The following ACO1 variants were observed in gnomAD, a reference collection of about 807,000 sequenced individuals.
The protein encoded by ACO1 is cytoplasmic aconitate hydratase.
A neutral mutation model predicts 105.1 loss-of-function variants in ACO1; 78 were observed. That is an observed-to-expected ratio of 0.74 (90% CI 0.62 to 0.90). The LOEUF (loss-of-function observed/expected upper bound fraction) is 0.90, where lower values mean the gene tolerates loss of function less well. ACO1 is among the 40% of genes least tolerant of loss of function. The pLI is 0.00. For missense variants in ACO1, 965 were observed against 1,111.1 expected, an observed-to-expected ratio of 0.87 and a Z score of 1.87; for synonymous variants, 364 against 397.4, an observed-to-expected ratio of 0.92 and a Z score of 1.00.
chr9:32,427,489 T>G, intron 12 of ACO1, 53 bp downstream of exon 12: 1 of 1,606,506 alleles, frequency 6.2e-7, no homozygotes, highest in East Asian at 2.2e-5. Flanking sequence ...GTATCCCTCA[T>G]GTATCTTGCT....
chr9:32,432,554 T>C lies in ACO1; in HGVS notation c.1851+711T>C, dbSNP rs559220242. ...CTTGGCAGGCATTATGTTAAATGCC[T>C]TCCTCCAAAGGCCGAGTTAATGGAC... On this transcript the variant is annotated intron_variant, in intron 15 of 20. Coordinates refer to ENST00000309951, the MANE Select transcript of ACO1 (RefSeq NM_002197.3). Among the ~76,000 whole-genome samples the C allele has an allele frequency of 1.7e-4, 26 of 152,198 alleles. 1 individual carries two copies. Among genetic ancestry groups the C allele is most frequent in the African/African-American group, 6.3e-4 (26 of 41,532 alleles).
At chr9:32,388,068 GC>G (rs1318755162) in intron 1 of ACO1, among the ~76,000 whole-genome samples, 3 of 152,312 alleles carry the variant, frequency 2.0e-5, no homozygotes, top group African/African-American at 7.2e-5. Flanking sequence ...TGAGGACAGA[GC>G]CACATATGGG....
At position 32,413,191 on chromosome 9, in the gene ACO1, T is replaced by C. The variant is rs1474599659; in HGVS notation, c.404+4540T>C. On this transcript the variant is annotated intron_variant, in intron 4 of 20. Transcript: ENST00000309951. ...AGCAAACCCACATGTATATATAAAA[T>C]CAGAGTGAACACTAGCCGGGGCGGT... 2.0e-5 allele frequency among the ~76,000 whole-genome samples: 3 copies of C among 152,116 alleles called. No homozygotes were observed. In the South Asian group the frequency reaches 6.2e-4, roughly 32 times the overall value.
chr9:32,436,160 TTTG>T, intron 17 of ACO1, 87 bp from the exon 18 acceptor site: 1 of 1,535,572 alleles, frequency 6.5e-7, no homozygotes, highest in South Asian at 1.1e-5. Context: ...TATGTTTTGT[TTTG>T]TTTTGTTTTT....
chr9:32,440,478 A>T lies in ACO1; in HGVS notation c.2261A>T (p.Asp754Val), dbSNP rs767041812. The T allele has an allele frequency of 1.2e-6, 2 of 1,613,844 alleles. No homozygotes were observed. Residue 754 changes from aspartate to valine, a missense_variant, in exon 19 of 21, where the codon GAT becomes GTT. Coordinates refer to ENST00000309951, the MANE Select transcript of ACO1 (RefSeq NM_002197.3). ...TCTCTTCCTCAGCTTGATGTGTTTG[A>T]TGCTGCTGAGCGGTACCAGCAGGCA... Reference protein sequence around the residue: ...LPSGEILDVFDAAERYQQAGL... With the variant: ...LPSGEILDVFVAAERYQQAGL...
rs1029769992 is a variant in ACO1 at position 32,452,220 on chromosome 9, T to C, written c.*2109T>C. 2 of 152,276 alleles carry C rather than the reference T, an allele frequency of 1.3e-5. No individual in the cohort carries two copies. Among genetic ancestry groups the C allele is most frequent in the African/African-American group, 4.8e-5 (2 of 41,474 alleles). The allele number at this position is 152,276 out of a possible 1,614,324, so 9.4% of individuals were successfully genotyped here. On this transcript the variant is annotated 3_prime_UTR_variant, in exon 21 of 21. Coordinates refer to ENST00000309951, the MANE Select transcript of ACO1 (RefSeq NM_002197.3). ...CTCCATTACTGAGCAGCTGGGGAGC[T>C]GTCTCGCTCCCCGCATTCAGTGGCT...
At chr9:32,440,615 G>A in intron 19 of ACO1, 28 bp downstream of exon 19, 1 of 1,610,298 alleles carries the variant, frequency 6.2e-7, no homozygotes. Flanking sequence ...ATCCTAGGAG[G>A]CAGCTCCCCT....
At chr9:32,407,112 A>G (rs1408601263) in intron 2 of ACO1, 149 bp from the exon 3 acceptor site, 4 of 695,658 alleles carry the variant, frequency 5.7e-6, no homozygotes, top group African/African-American at 5.4e-5. Context: ...TTAAATATCC[A>G]TGTATTTTAA....
chr9:32,402,373 A>G (rs1468790042), intron 1 of ACO1, among the ~76,000 whole-genome samples: 1 of 152,218 alleles, frequency 6.6e-6, no homozygotes, highest in Non-Finnish European at 1.5e-5. Flanking sequence ...GTCCACATTC[A>G]TTGTCTTCGT....
At chr9:32,446,962 T>TG (rs1311106075) in intron 19 of ACO1, among the ~76,000 whole-genome samples, 1 of 152,216 alleles carries the variant, frequency 6.6e-6, no homozygotes, top group Non-Finnish European at 1.5e-5. Flanking sequence ...GTTAGTCTGA[T>TG]GGGCTTCCCT....
intron 9 of ACO1, 22 bp downstream of exon 9, chr9:32,423,441 T>C (rs779470404): frequency 6.8e-7 from 1 of 1,473,222 alleles, no homozygotes; most frequent in East Asian, 2.4e-5. Context: ...CCTTCCACTG[T>C]GCATGTATTT....
chr9:32,396,647 ACTGCTTTTGCC>A (rs71985685), intron 1 of ACO1, among the ~76,000 whole-genome samples: 38,894 of 151,876 alleles, frequency 0.26, 5,321 homozygotes, highest in East Asian at 0.46. Flanking sequence ...TGTACTTTCT[ACTGCTTTTGCC>A]CTGCTTTATC....
chr9:32,410,880 CT>C (rs1329685989), intron 4 of ACO1, among the ~76,000 whole-genome samples: 1 of 152,212 alleles, frequency 6.6e-6, no homozygotes, highest in African/African-American at 2.4e-5. Context: ...TCAGGAAGCT[CT>C]GCTTTGCACT....
rs571680698 is a variant in ACO1 at position 32,444,023 on chromosome 9, A to G, written c.2370+3436A>G. Among the ~76,000 whole-genome samples the G allele has an allele frequency of 1.1e-4, 17 of 150,480 alleles. No homozygotes were observed. The East Asian group carries it at 3.4e-3, about 30-fold the overall frequency. On this transcript the variant is annotated intron_variant, in intron 19 of 20. Coordinates refer to ENST00000309951, the MANE Select transcript of ACO1 (RefSeq NM_002197.3). Reference sequence around the variant, plus strand: ...GTGTGATGTTCCCCTCCCTGTGTTCATGGGTTCTCATTGTTCAACTCCCAC... The same window carrying G: ...GTGTGATGTTCCCCTCCCTGTGTTCGTGGGTTCTCATTGTTCAACTCCCAC...
In ACO1 at chr9:32,430,487, C is replaced by A; in HGVS notation, c.1639C>A (p.Arg547=). The A allele has an allele frequency of 6.2e-7, 1 of 1,612,312 alleles. No homozygotes were observed. Among genetic ancestry groups the A allele is most frequent in the Non-Finnish European group, 8.5e-7 (1 of 1,179,378 alleles). Residue 547 remains arginine (R), a synonymous_variant, in exon 14 of 21, where the codon CGG becomes AGG. Transcript: ENST00000309951. The part of the protein sequence containing the change: ...NFEGRVHPNT[R]ANYLASPPLV... Reference sequence around the variant, plus strand: ...TGAAGGTCGAGTTCACCCCAACACCCGGGCCAACTATTTAGCCTCTCCCCC... The same window carrying A: ...TGAAGGTCGAGTTCACCCCAACACCAGGGCCAACTATTTAGCCTCTCCCCC...
intron 3 of ACO1, 127 bp from the exon 4 acceptor site, chr9:32,408,387 C>A: frequency 2.8e-6 from 3 of 1,062,192 alleles, no homozygotes; most frequent in Non-Finnish European, 4.1e-6. Flanking sequence ...TTTTCTAAGT[C>A]TCACCCATTG....
chr9:32,388,703 C>T (rs1821204305), intron 1 of ACO1, among the ~76,000 whole-genome samples: 1 of 152,126 alleles, frequency 6.6e-6, no homozygotes, highest in South Asian at 2.1e-4. Context: ...AGAAGATAGA[C>T]CAGTAGCCAG....
At chr9:32,440,180 T>C (rs952401413) in intron 18 of ACO1, among the ~76,000 whole-genome samples, 2 of 150,910 alleles carry the variant, frequency 1.3e-5, no homozygotes, top group African/African-American at 4.9e-5. Flanking sequence ...AGCAGGAGAA[T>C]CAATTGAAAC....
At chr9:32,386,816 A>G (rs1308960974) in intron 1 of ACO1, among the ~76,000 whole-genome samples, 2 of 151,846 alleles carry the variant, frequency 1.3e-5, no homozygotes, top group African/African-American at 2.4e-5. Flanking sequence ...TTGGCCACCT[A>G]TTTCTCATGT....
Sources: gnomAD v4.1 joint callset for allele counts (sites outside exome capture counted in the v4.1 genomes callset) on GRCh38, gnomAD v4.1.1 for gene constraint, MANE v1.5 for transcripts, NCBI Gene and HGNC (gene_info 2026-07-23, HGNC 2026-07-21) for gene names.